PSD3: variants seen among roughly 807,000 people sequenced by gnomAD.
PSD3 encodes PH and SEC7 domain-containing protein 3.
PSD3 carries 49 observed loss-of-function variants against 105.5 expected under a neutral mutation model. The ratio of observed to expected loss-of-function variants is 0.46; its 90% confidence interval spans 0.37 to 0.59. PSD3 has a LOEUF of 0.59. Ranked by LOEUF, PSD3 falls within the 20% of genes least tolerant of loss-of-function variation. PSD3 has a pLI of 0.00. For missense variants in PSD3, 1,561 were observed against 1,263.8 expected (o/e 1.24, Z -3.57); for synonymous variants, 557 against 457.8 (o/e 1.22, Z -2.77).
chr8:18,713,218 C>T (rs1437877464), intron 9 of PSD3, among the ~76,000 whole-genome samples: 1 of 152,116 alleles, frequency 6.6e-6, no homozygotes, highest in Admixed American at 6.5e-5. Flanking sequence ...CCCTTGAAAA[C>T]CGGCACAAGA....
At chr8:18,736,605 T>C (rs919197173) in intron 9 of PSD3, among the ~76,000 whole-genome samples, 9 of 152,126 alleles carry the variant, frequency 5.9e-5, no homozygotes, top group Non-Finnish European at 1.2e-4. Context: ...AATGGGGCTG[T>C]AGTTCAACTC....
intron 12 of PSD3, among the ~76,000 whole-genome samples, chr8:18,583,473 A>C (rs1385642754): frequency 4.6e-5 from 7 of 152,122 alleles, no homozygotes; most frequent in African/African-American, 7.2e-5. Context: ...CATTTAAAAC[A>C]TGTGATAGCT....
intron 15 of PSD3, among the ~76,000 whole-genome samples, chr8:18,538,697 T>C (rs1465513489): frequency 1.3e-5 from 2 of 152,160 alleles, no homozygotes; most frequent in Non-Finnish European, 2.9e-5. Flanking sequence ...TAGGGACAGT[T>C]TTCCAGTAGT....
intron 2 of PSD3, among the ~76,000 whole-genome samples, chr8:18,914,931 C>T (rs1011726593): frequency 6.6e-6 from 1 of 152,096 alleles, no homozygotes; most frequent in Non-Finnish European, 1.5e-5. Context: ...GGAGGCATCA[C>T]GTTACTTGAC....
intron 1 of PSD3, among the ~76,000 whole-genome samples, chr8:19,073,403 G>A (rs1829336152): frequency 6.6e-6 from 1 of 151,852 alleles, no homozygotes; most frequent in African/African-American, 2.4e-5. Context: ...ATACAAAAAT[G>A]AGCCCAGCAT....
At chr8:19,013,374 G>A (rs1210728683) in intron 1 of PSD3, among the ~76,000 whole-genome samples, 189 bp downstream of exon 1, 1 of 152,044 alleles carries the variant, frequency 6.6e-6, no homozygotes, top group African/African-American at 2.4e-5. Context: ...TGACCCTGCT[G>A]GGCTCCTAAA....
At chr8:18,657,083 G>C (rs1808953998) in intron 9 of PSD3, among the ~76,000 whole-genome samples, 2 of 152,212 alleles carry the variant, frequency 1.3e-5, no homozygotes, top group South Asian at 4.1e-4. Flanking sequence ...TTTACTCTGA[G>C]ATAGAAAAAA....
chr8:18,994,606 C>G (rs966306457), intron 1 of PSD3, among the ~76,000 whole-genome samples: 1 of 151,830 alleles, frequency 6.6e-6, no homozygotes, highest in Non-Finnish European at 1.5e-5. Flanking sequence ...TAAGTACAAG[C>G]AAAGAATATA....
intron 1 of PSD3, among the ~76,000 whole-genome samples, chr8:19,081,468 C>G (rs1417705887): frequency 6.6e-6 from 1 of 152,196 alleles, no homozygotes; most frequent in African/African-American, 2.4e-5. Context: ...TGGGCCCAAG[C>G]TGCTTCATCC....
chr8:18,872,315 G>C lies in PSD3; in HGVS notation c.549C>G (p.Val183=). ...TTTGGCCAGCAGGGAGCGTTTTGTT[G>C]ACTCTCTGTGTTTTACGACTGGCAG... ...LDTASRKTQR[V]NKTLPAGQKN... is the part of the protein sequence containing the mutation. Residue 183 remains valine (V), a synonymous_variant, in exon 3 of 16, where the codon GTC becomes GTG. Transcript: ENST00000327040. 2.5e-6 allele frequency: 4 copies of C among 1,614,136 alleles called. No homozygotes were observed. Among genetic ancestry groups the C allele is most frequent in the Non-Finnish European group, 3.4e-6 (4 of 1,180,002 alleles).
At chr8:19,015,616 A>C (rs1051695867), upstream of PSD3, among the ~76,000 whole-genome samples, 1 of 152,250 alleles carries the variant, frequency 6.6e-6, no homozygotes, top group Non-Finnish European at 1.5e-5. Flanking sequence ...AACAAACAAA[A>C]AAAAGTAATC....
chr8:18,919,902 A>G (rs1820887715), intron 2 of PSD3, among the ~76,000 whole-genome samples: 1 of 150,710 alleles, frequency 6.6e-6, no homozygotes, highest in Non-Finnish European at 1.5e-5. Flanking sequence ...CTAATGCTAG[A>G]TGACGAGTTA....
At chr8:19,054,348 C>T (rs1025106437) in intron 1 of PSD3, among the ~76,000 whole-genome samples, 33 of 152,132 alleles carry the variant, frequency 2.2e-4, no homozygotes, top group African/African-American at 5.8e-4. Context: ...CCGTGTTACC[C>T]AAACTAATGC....
intron 1 of PSD3, among the ~76,000 whole-genome samples, chr8:19,005,288 T>A (rs28876124): frequency 6.6e-6 from 1 of 151,880 alleles, no homozygotes; most frequent in African/African-American, 2.4e-5. Context: ...TACTAACACA[T>A]GCTACTTCAT....
chr8:18,922,178 CA>C (rs1281412711), intron 2 of PSD3, among the ~76,000 whole-genome samples: 3 of 152,068 alleles, frequency 2.0e-5, no homozygotes, highest in African/African-American at 7.2e-5. Context: ...ATACACCTGA[CA>C]ATGAAAAAAC....
intron 9 of PSD3, among the ~76,000 whole-genome samples, chr8:18,719,649 G>T (rs986523616): frequency 6.6e-6 from 1 of 152,074 alleles, no homozygotes; most frequent in Admixed American, 6.5e-5. Flanking sequence ...AACATTTGCA[G>T]GTCAAGGAAC....
intron 9 of PSD3, among the ~76,000 whole-genome samples, chr8:18,720,259 G>T (rs529942115): frequency 6.6e-6 from 1 of 152,310 alleles, no homozygotes; most frequent in South Asian, 2.1e-4. Flanking sequence ...GGTCATTAAA[G>T]TACCAGGCAC....
intron 12 of PSD3, among the ~76,000 whole-genome samples, chr8:18,582,348 G>T (rs1304994392): frequency 6.6e-6 from 1 of 152,052 alleles, no homozygotes; most frequent in Non-Finnish European, 1.5e-5. Context: ...ACCTTTTCAT[G>T]ACAGGACACA....
chr8:18,995,424 A>G lies in PSD3; in HGVS notation c.21+18139T>C, dbSNP rs150441479. Among the ~76,000 whole-genome samples, 16 of 152,214 alleles carry G rather than the reference A, an allele frequency of 1.1e-4. 1 individual carries two copies. The East Asian group carries it at 3.1e-3, about 29-fold the overall frequency. On this transcript the variant is annotated intron_variant, in intron 1 of 15. Transcript: ENST00000327040. ...AATGCTATCAACAAATGCTACAACA[A>G]TATATTGTTGTTCTGAGTCTGAAAG...
Sources: allele counts gnomAD v4.1 joint callset (sites outside exome capture counted in the v4.1 genomes callset), GRCh38; gene constraint gnomAD v4.1.1; transcripts MANE v1.5; gene names NCBI Gene and HGNC (gene_info 2026-07-23, HGNC 2026-07-21).